STX8: variants seen among roughly 807,000 people sequenced by gnomAD.
STX8 encodes syntaxin 8, also known as syntaxin-8.
Under a neutral mutation model 37.5 loss-of-function variants are expected in STX8, and 23 were observed. The observed-to-expected ratio is 0.61, with a 90% confidence interval of 0.44 to 0.87. The LOEUF is 0.87. Ranked by LOEUF, STX8 falls within the 40% of genes least tolerant of loss-of-function variation. The pLI is 0.00. For missense variants in STX8, 313 were observed against 284.7 expected (o/e 1.10, Z -0.71); for synonymous variants, 115 against 99.1 (o/e 1.16, Z -0.95).
chr17:9,449,562 AAAAT>A (rs980138658), intron 6 of STX8, among the ~76,000 whole-genome samples: 2 of 151,686 alleles, frequency 1.3e-5, no homozygotes, highest in East Asian at 2.0e-4. Context: ...CTCCGTCTCA[AAAAT>A]AAATAAACAA....
chr17:9,293,712 G>A (rs1410587609), intron 7 of STX8, among the ~76,000 whole-genome samples: 1 of 151,746 alleles, frequency 6.6e-6, no homozygotes, highest in East Asian at 1.9e-4. Context: ...TTTAAGCTTT[G>A]CAGTAACCCC....
chr17:9,426,456 G>T (rs556769231), intron 6 of STX8, among the ~76,000 whole-genome samples: 79 of 152,328 alleles, frequency 5.2e-4, no homozygotes, highest in African/African-American at 1.8e-3. Context: ...GAACCTAGGA[G>T]GCAGAGGTTG....
chr17:9,527,003 C>A (rs1174639013), intron 4 of STX8, among the ~76,000 whole-genome samples: 1 of 149,354 alleles, frequency 6.7e-6, no homozygotes, highest in East Asian at 2.0e-4. Flanking sequence ...CAAGGTGAAA[C>A]CCCGTCTCTA....
intron 2 of STX8, among the ~76,000 whole-genome samples, chr17:9,563,246 G>A (rs1040362212): frequency 2.0e-5 from 3 of 151,698 alleles, no homozygotes; most frequent in South Asian, 4.2e-4. Context: ...GCAGTGGCAC[G>A]ATCTCGGCTC....
chr17:9,554,259 AAAAC>A (rs140615822), intron 3 of STX8: 11,901 of 152,402 alleles, frequency 0.078, 775 homozygotes, highest in African/African-American at 0.18. Context: ...GACTCTGTCT[AAAAC>A]AAACAAACAA....
rs566549215 is a variant in STX8, at chr17:9,575,023, G to C, written c.17+769C>G. On this transcript the variant is annotated intron_variant, in intron 1 of 7. Transcript: ENST00000306357. ...CATATTCCAACAAGAACGTTATAGAGCTGTAATATGTTTTTAATTATTAAG... is the reference window on the plus strand; with the variant it reads ...CATATTCCAACAAGAACGTTATAGACCTGTAATATGTTTTTAATTATTAAG... Among the ~76,000 whole-genome samples the C allele has an allele frequency of 2.6e-5, 4 of 152,254 alleles. No homozygotes were observed. The East Asian group carries it at 7.7e-4, about 29-fold the overall frequency.
At chr17:9,391,150 C>T (rs921677091) in intron 6 of STX8, among the ~76,000 whole-genome samples, 1 of 152,032 alleles carries the variant, frequency 6.6e-6, no homozygotes, top group African/African-American at 2.4e-5. Flanking sequence ...GACACCCTCA[C>T]CTTACTTCAA....
intron 6 of STX8, among the ~76,000 whole-genome samples, chr17:9,422,510 T>C (rs1193259999): frequency 6.6e-6 from 1 of 152,204 alleles, no homozygotes; most frequent in Non-Finnish European, 1.5e-5. Flanking sequence ...CATGGATTCG[T>C]CTGTTCTAGA....
chr17:9,529,282 T>A (rs945129328), intron 4 of STX8, among the ~76,000 whole-genome samples: 1 of 151,860 alleles, frequency 6.6e-6, no homozygotes. Context: ...AGTGTGTGGG[T>A]GCGCACACGC....
At chr17:9,344,458 G>A (rs1192547814) in intron 7 of STX8, among the ~76,000 whole-genome samples, 1 of 151,766 alleles carries the variant, frequency 6.6e-6, no homozygotes, top group African/African-American at 2.4e-5. Flanking sequence ...ACGGGGTTTC[G>A]CCATGTTGGT....
Position 9,436,548 on chromosome 17 carries a change from G to A in STX8, c.541+55281C>T, listed in dbSNP as rs142965149. Among the ~76,000 whole-genome samples the A allele has an allele frequency of 5.3e-5, 8 of 152,194 alleles. No individual in the cohort carries two copies. The East Asian group carries it at 9.7e-4, about 18-fold the overall frequency. ...CTGGTGAGGGTAAGATGGCCAACACGCTTCGGACAGATCACAGACACTTTG... is the reference window on the plus strand; with the variant it reads ...CTGGTGAGGGTAAGATGGCCAACACACTTCGGACAGATCACAGACACTTTG... On this transcript the variant is annotated intron_variant, in intron 6 of 7. Coordinates refer to ENST00000306357, the MANE Select transcript of STX8 (RefSeq NM_004853.3).
intron 7 of STX8, among the ~76,000 whole-genome samples, chr17:9,328,011 C>T (rs1351376605): frequency 6.7e-6 from 1 of 150,302 alleles, no homozygotes; most frequent in African/African-American, 2.5e-5. Context: ...TTCCTTCTCT[C>T]TCATTCTTTC....
At chr17:9,530,665 T>C (rs916598577) in intron 4 of STX8, among the ~76,000 whole-genome samples, 5 of 152,230 alleles carry the variant, frequency 3.3e-5, no homozygotes, top group Admixed American at 6.5e-5. Flanking sequence ...ACAGGTTGCT[T>C]GCCTTTTTCT....
At chr17:9,438,681 C>A (rs1326358420) in intron 6 of STX8, among the ~76,000 whole-genome samples, 1 of 152,090 alleles carries the variant, frequency 6.6e-6, no homozygotes, top group African/African-American at 2.4e-5. Flanking sequence ...GTAATCCCAG[C>A]ACTTTGGGAG....
chr17:9,547,967 GT>G (rs1221948749), intron 3 of STX8, among the ~76,000 whole-genome samples: 80 of 151,534 alleles, frequency 5.3e-4, no homozygotes, highest in African/African-American at 1.8e-3. Context: ...ATTTTTGTGG[GT>G]TTTTTTGAGA....
chr17:9,397,734 G>A (rs138804338), intron 6 of STX8, among the ~76,000 whole-genome samples: 2 of 152,160 alleles, frequency 1.3e-5, no homozygotes, highest in African/African-American at 4.8e-5. Context: ...CCAGCACCTT[G>A]GGAGGTCAAG....
intron 7 of STX8, among the ~76,000 whole-genome samples, chr17:9,333,128 T>C (rs966524821): frequency 6.6e-6 from 1 of 152,174 alleles, no homozygotes; most frequent in Admixed American, 6.6e-5. Flanking sequence ...ATTCAGGAGG[T>C]ACATATACAG....
At chr17:9,403,403 TG>T (rs1912694049) in intron 6 of STX8, among the ~76,000 whole-genome samples, 1 of 152,138 alleles carries the variant, frequency 6.6e-6, no homozygotes, top group Admixed American at 6.5e-5. Flanking sequence ...CAATAAACAC[TG>T]ATTCAACACT....
intron 6 of STX8, chr17:9,452,614 C>A (rs1474229967): frequency 6.6e-6 from 1 of 152,162 alleles, no homozygotes; most frequent in African/African-American, 2.4e-5. Context: ...AGCTTTGGCT[C>A]TCGGTGTGAC....
Sources: gnomAD v4.1 joint callset for allele counts (sites outside exome capture counted in the v4.1 genomes callset) on GRCh38, gnomAD v4.1.1 for gene constraint, MANE v1.5 for transcripts, NCBI Gene and HGNC (gene_info 2026-07-23, HGNC 2026-07-21) for gene names.